STK3: variants seen among roughly 807,000 people sequenced by gnomAD.
The protein encoded by STK3 is serine/threonine kinase 3.
Under a neutral mutation model 58.0 loss-of-function variants are expected in STK3, and 41 were observed. That is an observed-to-expected ratio of 0.71 (90% CI 0.55 to 0.92). STK3 has a LOEUF of 0.92. STK3 is among the 40% of genes least tolerant of loss of function. The probability of loss-of-function intolerance (pLI) is 0.00; values close to 1 mark genes in which losing one functional copy is unlikely to be tolerated. For missense variants in STK3, 479 were observed against 602.7 expected (o/e 0.79, Z 2.15); for synonymous variants, 170 against 191.0 (o/e 0.89, Z 0.91).
chr8:98,640,370 A>C (rs1388554289), intron 6 of STK3, among the ~76,000 whole-genome samples: 2 of 152,174 alleles, frequency 1.3e-5, no homozygotes, highest in African/African-American at 2.4e-5. Context: ...TTTTATTCAA[A>C]AGAATTTTAT....
At chr8:98,917,669 G>A (rs770341662) in intron 1 of STK3, among the ~76,000 whole-genome samples, 34 of 152,230 alleles carry the variant, frequency 2.2e-4, no homozygotes, top group Middle Eastern at 3.4e-3. Context: ...CTCTAGAACC[G>A]TGAGAAAATA....
chr8:98,816,191 A>C (rs1018143992), intron 1 of STK3, among the ~76,000 whole-genome samples: 6 of 152,230 alleles, frequency 3.9e-5, no homozygotes, highest in Non-Finnish European at 5.9e-5. Context: ...TGGAGGACTA[A>C]ACTAAAGATT....
chr8:98,422,959 A>G (rs1178127634), intron 3 of STK3, among the ~76,000 whole-genome samples: 2 of 152,122 alleles, frequency 1.3e-5, no homozygotes, highest in African/African-American at 4.8e-5. Flanking sequence ...GCTAAATTAA[A>G]ATCTCCCCAG....
intron 1 of STK3, among the ~76,000 whole-genome samples, chr8:98,807,045 T>C (rs1369639662): frequency 6.6e-6 from 1 of 151,408 alleles, no homozygotes; most frequent in African/African-American, 2.4e-5. Flanking sequence ...TCCCAGCCAC[T>C]TGGGAGGCTG....
intron 6 of STK3, among the ~76,000 whole-genome samples, chr8:98,701,552 A>G (rs1284410105): frequency 1.3e-5 from 2 of 151,882 alleles, no homozygotes; most frequent in Non-Finnish European, 2.9e-5. Context: ...TGAAACCGGG[A>G]GGCAGAGGTT....
chr8:98,842,016 A>G (rs1219413224), intron 3 of STK3, among the ~76,000 whole-genome samples: 1 of 152,128 alleles, frequency 6.6e-6, no homozygotes, highest in Non-Finnish European at 1.5e-5. Flanking sequence ...GAAATTGGGA[A>G]AGAAAAAGAT....
chr8:98,647,696 C>T (rs921885769), intron 6 of STK3, among the ~76,000 whole-genome samples: 7 of 152,106 alleles, frequency 4.6e-5, no homozygotes, highest in Admixed American at 3.9e-4. Flanking sequence ...TTTGTAGAGA[C>T]ACAGTATGCC....
At chr8:98,429,096 A>T (rs1207181609) in intron 3 of STK3, 2 of 1,613,174 alleles carry the variant, frequency 1.2e-6, no homozygotes, top group Admixed American at 1.7e-5. Context: ...CGTCAGTATG[A>T]CCACAGTGGG....
chr8:98,539,720 T>C (rs1810071058), intron 9 of STK3, among the ~76,000 whole-genome samples: 2 of 152,174 alleles, frequency 1.3e-5, no homozygotes, highest in Admixed American at 6.5e-5. Flanking sequence ...GTAAATAATA[T>C]ACAACCTAAA....
At chr8:98,466,392 C>T (rs2131197635) in intron 10 of STK3, among the ~76,000 whole-genome samples, 2 of 152,338 alleles carry the variant, frequency 1.3e-5, no homozygotes, top group Middle Eastern at 3.4e-3. Flanking sequence ...ACATATCCCA[C>T]AGTAAATCTT....
chr8:98,801,824 G>C (rs928493613), intron 1 of STK3, among the ~76,000 whole-genome samples: 2 of 151,750 alleles, frequency 1.3e-5, no homozygotes, highest in African/African-American at 4.8e-5. Flanking sequence ...AAATTCTCTA[G>C]CACTTCAAAA....
the STK3 span, among the ~76,000 whole-genome samples, chr8:98,345,152 G>T: frequency 1.3e-5 from 2 of 152,050 alleles, no homozygotes; most frequent in East Asian, 1.9e-4. Context: ...CAAAACAAAA[G>T]ATTGCAATCT....
At chr8:98,667,323 T>C (rs1275409058) in intron 6 of STK3, among the ~76,000 whole-genome samples, 1 of 152,136 alleles carries the variant, frequency 6.6e-6, no homozygotes, top group Admixed American at 6.5e-5. Context: ...CAGGGTGGTC[T>C]ATGGGCAATT....
At position 98,473,458 on chromosome 8, in the gene STK3, C is replaced by T. The variant is rs144430960; in HGVS notation, c.1318-17458G>A. ...CTCAAGAAAACCCTGCCTTGACTCA[C>T]GGCCATTCCTCCAGTTGTCACAATT... On this transcript the variant is annotated intron_variant, in intron 10 of 10. Transcript: ENST00000419617. Among the ~76,000 whole-genome samples, 5 of 152,228 alleles carry T rather than the reference C, an allele frequency of 3.3e-5. No individual in the cohort carries two copies. In the East Asian group the frequency reaches 7.7e-4, roughly 23 times the overall value.
chr8:98,892,372 G>A (rs1480335224), intron 1 of STK3, among the ~76,000 whole-genome samples: 1 of 152,188 alleles, frequency 6.6e-6, no homozygotes, highest in African/African-American at 2.4e-5. Context: ...TGCAACAAAT[G>A]TGATCTTTCT....
intron 6 of STK3, among the ~76,000 whole-genome samples, chr8:98,697,837 C>T (rs1825126179): frequency 6.6e-6 from 1 of 152,134 alleles, no homozygotes; most frequent in African/African-American, 2.4e-5. Context: ...AATGTATATT[C>T]TGTTGATTTG....
At chr8:98,586,186 G>C (rs934403402) in intron 7 of STK3, among the ~76,000 whole-genome samples, 1 of 151,274 alleles carries the variant, frequency 6.6e-6, no homozygotes, top group Non-Finnish European at 1.5e-5. Context: ...GTTTTCAAAG[G>C]GAATGCTTCC....
chr8:98,542,359 C>T (rs922180989), intron 9 of STK3, among the ~76,000 whole-genome samples: 14 of 152,178 alleles, frequency 9.2e-5, no homozygotes, highest in Admixed American at 5.9e-4. Context: ...AACACACTCT[C>T]GGTCAGGAGA....
intron 3 of STK3, chr8:98,412,856 A>T (rs1792602477): frequency 4.4e-6 from 1 of 228,238 alleles, no homozygotes; most frequent in Non-Finnish European, 8.5e-6. Flanking sequence ...CTACATATGC[A>T]TATGTAATTC....
Sources: gnomAD v4.1 joint callset for allele counts (sites outside exome capture counted in the v4.1 genomes callset) on GRCh38, gnomAD v4.1.1 for gene constraint, MANE v1.5 for transcripts, NCBI Gene and HGNC (gene_info 2026-07-23, HGNC 2026-07-21) for gene names.